Variants in IL19 observed in about 807,000 individuals in gnomAD.
The protein encoded by IL19 is interleukin 19.
IL19 carries 15 observed loss-of-function variants against 19.5 expected under a neutral mutation model. That is an observed-to-expected ratio of 0.77 (90% CI 0.52 to 1.19). The LOEUF (loss-of-function observed/expected upper bound fraction) is 1.19, where lower values mean the gene tolerates loss of function less well. Ranked by LOEUF, IL19 falls within the 50% of genes most tolerant of loss-of-function variation. IL19 has a pLI of 0.00. For synonymous variants in IL19, 78 were observed against 78.3 expected (o/e 1.00, Z 0.02); for missense variants, 199 against 213.1 (o/e 0.93, Z 0.41).
intron 5 of IL19, chr1:206,840,221 T>TGG: frequency 1.4e-6 from 1 of 693,668 alleles, no homozygotes. Flanking sequence ...TCCTCCTAGA[T>TGG]AACCCTCCTG....
intron 2 of IL19, among the ~76,000 whole-genome samples, chr1:206,829,466 A>G (rs1361906004): frequency 6.6e-6 from 1 of 152,010 alleles, no homozygotes; most frequent in Non-Finnish European, 1.5e-5. Flanking sequence ...GGTGTTTACA[A>G]GGTAGGTGAG....
chr1:206,827,876 T>C (rs1676481742), intron 2 of IL19, among the ~76,000 whole-genome samples: 1 of 152,204 alleles, frequency 6.6e-6, no homozygotes, highest in Admixed American at 6.5e-5. Context: ...TGGGTGTCTT[T>C]GGGTGAAGTA....
At chr1:206,784,493 G>C (rs910649609) in intron 1 of IL19, among the ~76,000 whole-genome samples, 18 of 152,136 alleles carry the variant, frequency 1.2e-4, no homozygotes, top group African/African-American at 4.3e-4. Context: ...CTTTTCCTCC[G>C]GCAGCTTTTG....
intron 2 of IL19, among the ~76,000 whole-genome samples, chr1:206,813,597 C>T (rs1008480384): frequency 3.9e-5 from 6 of 152,196 alleles, no homozygotes; most frequent in Admixed American, 2.0e-4. Flanking sequence ...GGCTTCTCTA[C>T]TGTTTCTAAT....
intron 1 of IL19, among the ~76,000 whole-genome samples, chr1:206,781,370 G>A (rs1215261101): frequency 3.7e-5 from 5 of 136,196 alleles, no homozygotes; most frequent in East Asian, 2.1e-4. Flanking sequence ...AGCAGAGATC[G>A]CGCCACTGTG....
rs2102487974 is a variant in IL19 at position 206,836,786 on chromosome 1, C to T, written c.124C>T (p.Gln42Ter). 3 of 1,614,068 alleles carry T rather than the reference C, an allele frequency of 1.9e-6. No individual in the cohort carries two copies. The highest frequency in any genetic ancestry group is 1.7e-6 in the Non-Finnish European group (2 of 1,180,006). Reference sequence around the variant, plus strand: ...CATGCACCATATAGAAGAGAGTTTCCAAGAAATCAAAAGAGCCATCGTGAG... The same window carrying T: ...CATGCACCATATAGAAGAGAGTTTCTAAGAAATCAAAAGAGCCATCGTGAG... ...TDMHHIEESFQEIKRAIQAKD... is the reference protein window; with the variant it reads ...TDMHHIEESF Residue 42 changes from glutamine (Q) to a stop codon, truncating the protein, a stop_gained, in exon 3 of 7, where the codon CAA becomes TAA. Coordinates refer to ENST00000659997, the MANE Select transcript of IL19 (RefSeq NM_153758.5). LOFTEE classifies it high-confidence loss of function.
At chr1:206,781,918 TA>T (rs1202715265) in intron 1 of IL19, among the ~76,000 whole-genome samples, 7 of 106,852 alleles carry the variant, frequency 6.6e-5, no homozygotes, top group South Asian at 2.7e-4. Flanking sequence ...TATATGTATA[TA>T]GTTATATATA....
intron 1 of IL19, among the ~76,000 whole-genome samples, chr1:206,788,980 C>A (rs1675327726): frequency 6.6e-6 from 1 of 152,228 alleles, no homozygotes; most frequent in South Asian, 2.1e-4. Flanking sequence ...GTTTTACCAT[C>A]TCATCTGCTG....
At chr1:206,793,446 G>T (rs981812848) in intron 1 of IL19, among the ~76,000 whole-genome samples, 1 of 152,192 alleles carries the variant, frequency 6.6e-6, no homozygotes, top group Admixed American at 6.5e-5. Context: ...GGGATTCCCC[G>T]ACTGTGCGGC....
chr1:206,837,119 C>T, intron 4 of IL19, 96 bp downstream of exon 4: 1 of 990,572 alleles, frequency 1.0e-6, no homozygotes, highest in Non-Finnish European at 1.6e-6. Context: ...CCTTCTCTTT[C>T]CTAATCTCCA....
chr1:206,803,189 G>A (rs187160615), intron 2 of IL19, among the ~76,000 whole-genome samples: 101 of 152,228 alleles, frequency 6.6e-4, no homozygotes, highest in African/African-American at 2.4e-3. Context: ...ACACATTGAG[G>A]GCCTTGGCTT....
At chr1:206,797,423 C>T (rs1373068064) in intron 1 of IL19, among the ~76,000 whole-genome samples, 9 of 152,144 alleles carry the variant, frequency 5.9e-5, no homozygotes, top group Non-Finnish European at 1.3e-4. Context: ...CCCATTTACA[C>T]ATCCCCCACC....
Position 206,802,696 on chromosome 1 carries a change from C to T in IL19, c.-3+3690C>T, listed in dbSNP as rs565080824. 4.6e-5 allele frequency among the ~76,000 whole-genome samples: 7 copies of T among 150,938 alleles called. No individual in the cohort carries two copies. In the East Asian group the frequency reaches 1.4e-3, roughly 29 times the overall value. On this transcript the variant is annotated intron_variant, in intron 2 of 6. Transcript: ENST00000659997. ...TTTTTTCTTTTTTTTTTGCCATGGGCAAGTTCCAAGCCTGGGCTTCTCTTC... is the reference window on the plus strand; with the variant it reads ...TTTTTTCTTTTTTTTTTGCCATGGGTAAGTTCCAAGCCTGGGCTTCTCTTC...
intron 2 of IL19, among the ~76,000 whole-genome samples, chr1:206,809,950 TGGGG>T (rs1329888366): frequency 2.0e-4 from 30 of 152,206 alleles, no homozygotes; most frequent in African/African-American, 6.8e-4. Flanking sequence ...CAACTTCACT[TGGGG>T]CAGTTTCCTT....
intron 2 of IL19, among the ~76,000 whole-genome samples, chr1:206,799,514 A>G (rs532766918): frequency 1.3e-5 from 2 of 152,342 alleles, no homozygotes; most frequent in Admixed American, 6.5e-5. Context: ...CTCTGAGGCC[A>G]CGTAGTCACT....
At chr1:206,783,231 C>T (rs1322682619) in intron 1 of IL19, among the ~76,000 whole-genome samples, 1 of 152,090 alleles carries the variant, frequency 6.6e-6, no homozygotes, top group Non-Finnish European at 1.5e-5. Flanking sequence ...ACTCCTTTTC[C>T]CAGGGTGCTG....
chr1:206,838,744 C>T (rs143325133), intron 4 of IL19, among the ~76,000 whole-genome samples: 581 of 11,962 alleles, frequency 0.049, no homozygotes, highest in Non-Finnish European at 0.089. Context: ...CCTTTCCCTT[C>T]CCTTCCCTTC....
intron 1 of IL19, among the ~76,000 whole-genome samples, chr1:206,796,748 C>A (rs1039073331): frequency 6.6e-6 from 1 of 152,176 alleles, no homozygotes; most frequent in African/African-American, 2.4e-5. Context: ...ATGATGTTTG[C>A]ACAATGACAA....
chr1:206,830,587 A>G (rs1240217368), intron 2 of IL19, among the ~76,000 whole-genome samples: 1 of 151,658 alleles, frequency 6.6e-6, no homozygotes, highest in Non-Finnish European at 1.5e-5. Flanking sequence ...TTATATATAT[A>G]TATATATTTG....
Sources: gnomAD v4.1 joint callset for allele counts (sites outside exome capture counted in the v4.1 genomes callset) on GRCh38, gnomAD v4.1.1 for gene constraint, MANE v1.5 for transcripts, NCBI Gene and HGNC (gene_info 2026-07-23, HGNC 2026-07-21) for gene names.